TCEA3: variants seen among roughly 807,000 people sequenced by gnomAD.
TCEA3 encodes transcription elongation factor A3.
A neutral mutation model predicts 44.0 loss-of-function variants in TCEA3; 36 were observed. The observed-to-expected ratio is 0.82, with a 90% CI of 0.63 to 1.08. The LOEUF is 1.08. Ranked by LOEUF, TCEA3 falls within the 50% of genes least tolerant of loss-of-function variation. The pLI is 0.00. For missense variants in TCEA3, 392 were observed against 441.2 expected, an observed-to-expected ratio of 0.89 and a Z score of 1.00; for synonymous variants, 162 against 159.7, an observed-to-expected ratio of 1.01 and a Z score of -0.11.
At chr1:23,393,161 T>C (rs1044089970) in intron 8 of TCEA3, among the ~76,000 whole-genome samples, 1 of 152,046 alleles carries the variant, frequency 6.6e-6, no homozygotes, top group African/African-American at 2.4e-5. Context: ...CGTGCTCCTA[T>C]GAGAATCTAA....
chr1:23,390,581 GGAGAT>G (rs1191503510), intron 8 of TCEA3, among the ~76,000 whole-genome samples: 1 of 152,144 alleles, frequency 6.6e-6, no homozygotes, highest in Admixed American at 6.6e-5. Context: ...GTCAAGCATG[GGAGAT>G]GTGGCTGGAG....
At chr1:23,400,455 CG>C (rs1291467842) in intron 5 of TCEA3, among the ~76,000 whole-genome samples, 1 of 146,728 alleles carries the variant, frequency 6.8e-6, no homozygotes, top group Non-Finnish European at 1.5e-5. Context: ...GTGATCCATT[CG>C]CCTTGGCCTC....
At chr1:23,405,324 C>T (rs1040008008) in intron 5 of TCEA3, among the ~76,000 whole-genome samples, 1 of 152,132 alleles carries the variant, frequency 6.6e-6, no homozygotes, top group African/African-American at 2.4e-5. Flanking sequence ...CTGCCTGGCA[C>T]GGTGGCTCAC....
Position 23,424,660 on chromosome 1 carries a change from A to C in TCEA3, c.-27T>G. 1 of 1,582,136 alleles carries C rather than the reference A, an allele frequency of 6.3e-7. No individual in the cohort carries two copies. The highest frequency in any genetic ancestry group is 8.6e-7 in the Non-Finnish European group (1 of 1,162,500). ...TTGGCCCGCGACGCCCGGCGGGGCG[A>C]GGGGCACAGGGGCAGCAGTAGGGCC... On this transcript the variant is annotated 5_prime_UTR_variant, in exon 1 of 11. Coordinates refer to ENST00000450454, the MANE Select transcript of TCEA3 (RefSeq NM_003196.3).
At chr1:23,385,590 G>A (rs1638812839) in intron 9 of TCEA3, among the ~76,000 whole-genome samples, 1 of 152,224 alleles carries the variant, frequency 6.6e-6, no homozygotes. Context: ...CGCAGGCAAG[G>A]TGCTCTTGAT....
intron 10 of TCEA3, among the ~76,000 whole-genome samples, chr1:23,381,802 C>T (rs564956439): frequency 8.5e-5 from 13 of 152,306 alleles, no homozygotes; most frequent in South Asian, 8.3e-4. Flanking sequence ...CACATGGCAA[C>T]GGAGACCAAC....
rs887630008 is a variant in TCEA3, at chr1:23,383,021, T to C, written c.1038+1325A>G. 9.4e-4 allele frequency among the ~76,000 whole-genome samples: 143 copies of C among 152,348 alleles called. 1 individual carries two copies. The highest frequency in any genetic ancestry group is 3.1e-3 in the African/African-American group (128 of 41,572). On this transcript the variant is annotated intron_variant, in intron 10 of 10. Transcript: ENST00000450454. ...GAGGCCGGGCGCGGCGGCTCACGCC[T>C]GTAATCCCAGCACTTTGGGAGGCCG... is the stretch of plus-strand genomic sequence containing the variant.
chr1:23,420,511 T>C (rs929911557), intron 1 of TCEA3, among the ~76,000 whole-genome samples: 4 of 152,248 alleles, frequency 2.6e-5, no homozygotes, highest in African/African-American at 9.6e-5. Context: ...CCCAAAGTGC[T>C]GGGATTACAG....
chr1:23,417,079 G>A (rs1343517886), intron 4 of TCEA3, among the ~76,000 whole-genome samples, 170 bp downstream of exon 4: 2 of 152,234 alleles, frequency 1.3e-5, no homozygotes, highest in Non-Finnish European at 2.9e-5. Context: ...GGTCTTGTGA[G>A]TCTAACATCT....
intron 5 of TCEA3, among the ~76,000 whole-genome samples, chr1:23,402,291 G>A (rs1639421012): frequency 6.6e-6 from 1 of 152,202 alleles, no homozygotes; most frequent in Non-Finnish European, 1.5e-5. Flanking sequence ...AGTGAGCTGA[G>A]ATCATGCCAT....
intron 5 of TCEA3, among the ~76,000 whole-genome samples, chr1:23,400,340 G>A (rs928314857): frequency 6.6e-6 from 1 of 151,310 alleles, no homozygotes; most frequent in East Asian, 1.9e-4. Context: ...CAAGTAGCTA[G>A]GACTGACTAC....
intron 10 of TCEA3, among the ~76,000 whole-genome samples, chr1:23,381,993 T>C (rs7532311): frequency 0.12 from 18,708 of 152,096 alleles, 1,596 homozygotes; most frequent in South Asian, 0.24. Flanking sequence ...TATTAACATG[T>C]ATTAACTCAT....
intron 4 of TCEA3, among the ~76,000 whole-genome samples, chr1:23,410,144 G>A (rs559698957): frequency 1.3e-5 from 2 of 152,026 alleles, no homozygotes; most frequent in South Asian, 4.2e-4. Context: ...GGGAAGAGAG[G>A]TCCTCATTCA....
At chr1:23,414,922 C>T (rs1639841709) in intron 4 of TCEA3, among the ~76,000 whole-genome samples, 1 of 151,524 alleles carries the variant, frequency 6.6e-6, no homozygotes, top group South Asian at 2.1e-4. Flanking sequence ...GTGACAAGTT[C>T]AGCCCAGAAC....
At chr1:23,402,212 T>G (rs79780240) in intron 5 of TCEA3, among the ~76,000 whole-genome samples, 6 of 152,164 alleles carry the variant, frequency 3.9e-5, no homozygotes, top group Admixed American at 3.9e-4. Flanking sequence ...TGGTGGCGCA[T>G]GCCTGTAATC....
intron 7 of TCEA3, among the ~76,000 whole-genome samples, chr1:23,397,237 T>C (rs1416170905): frequency 6.6e-6 from 1 of 152,190 alleles, no homozygotes; most frequent in Non-Finnish European, 1.5e-5. Flanking sequence ...GTTAGCTGTA[T>C]GGGCTTTGGG....
intron 1 of TCEA3, among the ~76,000 whole-genome samples, chr1:23,422,286 G>A (rs1308029083): frequency 6.6e-6 from 1 of 152,202 alleles, no homozygotes; most frequent in Non-Finnish European, 1.5e-5. Flanking sequence ...TCATGTTGGT[G>A]TCAGTAGCCG....
At chr1:23,383,491 C>G (rs1638732201) in intron 10 of TCEA3, 1 of 918,070 alleles carries the variant, frequency 1.1e-6, no homozygotes, top group Non-Finnish European at 1.3e-6. Flanking sequence ...ATGATCCTCA[C>G]ATCATCAAAC....
intron 1 of TCEA3, chr1:23,423,929 C>T (rs1416627364): frequency 2.2e-6 from 1 of 452,634 alleles, no homozygotes; most frequent in Admixed American, 2.4e-5. Context: ...CCCCCTTCCC[C>T]CGCCCCGCGG....
Sources: allele counts gnomAD v4.1 joint callset (sites outside exome capture counted in the v4.1 genomes callset), GRCh38; gene constraint gnomAD v4.1.1; transcripts MANE v1.5; gene names NCBI Gene and HGNC (gene_info 2026-07-23, HGNC 2026-07-21).